The following AUTS2 variants were observed in gnomAD, a reference collection of about 807,000 sequenced individuals.
The protein encoded by AUTS2 is autism susceptibility gene 2 protein.
Under a neutral mutation model 112.4 loss-of-function variants are expected in AUTS2, and 17 were observed. The ratio of observed to expected loss-of-function variants is 0.15; its 90% CI spans 0.10 to 0.23. AUTS2 has a LOEUF of 0.23. Among genes scored for constraint, AUTS2 ranks in the 10% least tolerant of loss-of-function variants. AUTS2 has a pLI of 1.00. For missense variants in AUTS2, 1,510 were observed against 1,701.6 expected (o/e 0.89, Z 1.98); for synonymous variants, 751 against 702.7 (o/e 1.07, Z -1.09).
At chr7:69,838,170 T>C (rs1791810193) in intron 1 of AUTS2, among the ~76,000 whole-genome samples, 1 of 152,210 alleles carries the variant, frequency 6.6e-6, no homozygotes. Flanking sequence ...TTTGGCATTT[T>C]GTGCATTTGG....
At chr7:70,162,527 A>G (rs184551601) in intron 4 of AUTS2, among the ~76,000 whole-genome samples, 176 of 148,298 alleles carry the variant, frequency 1.2e-3, no homozygotes, top group African/African-American at 4.1e-3. Flanking sequence ...ATGAAGTTTA[A>G]AATTCTATGT....
chr7:70,467,921 T>C (rs1797230972), intron 5 of AUTS2, among the ~76,000 whole-genome samples: 1 of 152,164 alleles, frequency 6.6e-6, no homozygotes, highest in Non-Finnish European at 1.5e-5. Flanking sequence ...CAAAAAGGAA[T>C]TGCTTGGTGA....
intron 4 of AUTS2, among the ~76,000 whole-genome samples, chr7:70,208,950 A>G (rs1429616038): frequency 1.3e-5 from 2 of 152,124 alleles, no homozygotes; most frequent in Admixed American, 6.5e-5. Flanking sequence ...GGTAAAATGT[A>G]TGTTATACGG....
intron 4 of AUTS2, among the ~76,000 whole-genome samples, chr7:70,310,750 A>G (rs147823552): frequency 3.0e-4 from 45 of 152,320 alleles, no homozygotes; most frequent in African/African-American, 1.0e-3. Context: ...TTGCAACAAC[A>G]TCAGAGAGAA....
intron 5 of AUTS2, among the ~76,000 whole-genome samples, chr7:70,565,721 A>G (rs1241872169): frequency 6.6e-6 from 1 of 152,228 alleles, no homozygotes; most frequent in Non-Finnish European, 1.5e-5. Flanking sequence ...CTTTGCTTTT[A>G]AAAAGAAAAT....
chr7:70,081,437 T>G (rs1166015107), intron 2 of AUTS2, among the ~76,000 whole-genome samples: 1 of 148,926 alleles, frequency 6.7e-6, no homozygotes, highest in Non-Finnish European at 1.5e-5. Context: ...GGTGGGTGCC[T>G]GTAATCCCAG....
chr7:69,810,531 A>T lies in AUTS2; in HGVS notation c.310-88755A>T, dbSNP rs1562898796. The stretch of plus-strand genomic sequence containing the variant: ...GCCTCAGTTTTTTTTTGATCATTGG[A>T]ACTTCTCAGTGTGACATTCAGAGTT... On this transcript the variant is annotated intron_variant, in intron 1 of 18. Coordinates refer to ENST00000342771, the MANE Select transcript of AUTS2 (RefSeq NM_015570.4). 2.6e-5 allele frequency among the ~76,000 whole-genome samples: 4 copies of T among 151,260 alleles called. No homozygotes were observed. In the South Asian group the frequency reaches 6.3e-4, roughly 24 times the overall value.
At chr7:69,748,152 T>G (rs1433461759) in intron 1 of AUTS2, among the ~76,000 whole-genome samples, 3 of 152,100 alleles carry the variant, frequency 2.0e-5, no homozygotes, top group African/African-American at 7.2e-5. Flanking sequence ...AAGAAGAGAT[T>G]ATGTTCCCTT....
chr7:70,323,276 G>C (rs910170657), intron 4 of AUTS2, among the ~76,000 whole-genome samples: 3 of 152,174 alleles, frequency 2.0e-5, no homozygotes, highest in African/African-American at 7.2e-5. Context: ...CCAACTCAGA[G>C]GCTGAGACAA....
chr7:69,772,598 T>G (rs58863846), intron 1 of AUTS2, among the ~76,000 whole-genome samples: 15,202 of 152,178 alleles, frequency 0.1, 1,214 homozygotes, highest in African/African-American at 0.22. Context: ...CATGCCCAGC[T>G]AATTTTTAAG....
intron 4 of AUTS2, among the ~76,000 whole-genome samples, chr7:70,377,330 ATATATATATATATATAT>A: frequency 4.3e-5 from 1 of 23,094 alleles, no homozygotes; most frequent in East Asian, 1.2e-3. Context: ...ATATAAATAT[ATATATATATATATATAT>A]ATATATATAT....
intron 1 of AUTS2, among the ~76,000 whole-genome samples, chr7:69,803,974 G>C (rs6460529): frequency 6.6e-6 from 1 of 152,164 alleles, no homozygotes. Context: ...TGCGGCTGCA[G>C]TGATCATTGT....
At chr7:69,709,683 T>C (rs561184456) in intron 1 of AUTS2, among the ~76,000 whole-genome samples, 1 of 152,252 alleles carries the variant, frequency 6.6e-6, no homozygotes, top group African/African-American at 2.4e-5. Flanking sequence ...AAGGGCAAAA[T>C]AAGAGATTTT....
Position 69,911,844 on chromosome 7 carries a change from G to T in AUTS2, c.522+12346G>T, listed in dbSNP as rs1795372518. ...ATCAATGAAGTCTTCACTCTGGGCGGCAGACTCCACCGGGAACTGGCACCC... is the reference window on the plus strand; with the variant it reads ...ATCAATGAAGTCTTCACTCTGGGCGTCAGACTCCACCGGGAACTGGCACCC... On this transcript the variant is annotated intron_variant, in intron 2 of 18. Coordinates refer to ENST00000342771, the MANE Select transcript of AUTS2 (RefSeq NM_015570.4). Among the ~76,000 whole-genome samples, 4 of 152,176 alleles carry T rather than the reference G, an allele frequency of 2.6e-5. No homozygotes were observed. In the South Asian group the frequency reaches 6.2e-4, roughly 24 times the overall value.
chr7:70,365,648 G>T (rs138973969), intron 4 of AUTS2, among the ~76,000 whole-genome samples: 1 of 152,220 alleles, frequency 6.6e-6, no homozygotes, highest in Non-Finnish European at 1.5e-5. Context: ...AGACACTATT[G>T]TCTGGTAATT....
At chr7:69,855,229 A>G (rs2129530471) in intron 1 of AUTS2, among the ~76,000 whole-genome samples, 1 of 152,360 alleles carries the variant, frequency 6.6e-6, no homozygotes, top group South Asian at 2.1e-4. Context: ...AATGGCTTCA[A>G]AAGCAAATCA....
intron 1 of AUTS2, among the ~76,000 whole-genome samples, chr7:69,872,313 G>T (rs1188215086): frequency 6.6e-6 from 1 of 152,168 alleles, no homozygotes; most frequent in African/African-American, 2.4e-5. Flanking sequence ...AGTAGGAAAG[G>T]TTAGAACATC....
intron 1 of AUTS2, among the ~76,000 whole-genome samples, chr7:69,697,127 C>A (rs913292028): frequency 2.6e-5 from 4 of 152,196 alleles, no homozygotes; most frequent in Admixed American, 6.5e-5. Flanking sequence ...TCCATAGTTT[C>A]TGATTCAGTA....
intron 2 of AUTS2, among the ~76,000 whole-genome samples, chr7:70,109,884 CA>C (rs1356162129): frequency 6.6e-6 from 1 of 152,178 alleles, no homozygotes; most frequent in African/African-American, 2.4e-5. Flanking sequence ...CTTAGAATTA[CA>C]TTTTACAGCA....
Sources: allele counts gnomAD v4.1 joint callset (sites outside exome capture counted in the v4.1 genomes callset), GRCh38; gene constraint gnomAD v4.1.1; transcripts MANE v1.5; gene names NCBI Gene and HGNC (gene_info 2026-07-23, HGNC 2026-07-21).